Variants in CARF observed in about 807,000 individuals in gnomAD.
CARF encodes the protein calcium-responsive transcription factor.
Under a neutral mutation model 82.0 loss-of-function variants are expected in CARF, and 57 were observed. The ratio of observed to expected loss-of-function variants is 0.70; its 90% CI spans 0.56 to 0.87. The LOEUF (loss-of-function observed/expected upper bound fraction) is 0.87, where lower values mean the gene tolerates loss of function less well. Among genes scored for constraint, CARF ranks in the 40% least tolerant of loss-of-function variants. The probability of loss-of-function intolerance (pLI) is 0.00; values close to 1 mark genes in which losing one functional copy is unlikely to be tolerated. For synonymous variants in CARF, 268 were observed against 290.1 expected (o/e 0.92, Z 0.77); for missense variants, 771 against 855.8 (o/e 0.90, Z 1.24).
chr2:202,981,982 C>T (rs1015025873), intron 15 of CARF, 90 bp from the exon 16 acceptor site: 36 of 1,342,454 alleles, frequency 2.7e-5, no homozygotes, highest in Non-Finnish European at 3.4e-5. Context: ...TTTATTTGTT[C>T]GGATTTTTTG....
intron 6 of CARF, among the ~76,000 whole-genome samples, chr2:202,953,622 T>C (rs935405512): frequency 5.3e-5 from 8 of 150,574 alleles, no homozygotes; most frequent in African/African-American, 1.9e-4. Flanking sequence ...ATTTTTACCT[T>C]AGTGTTATCA....
At chr2:202,919,005 T>G (rs1332087547) in intron 2 of CARF, among the ~76,000 whole-genome samples, 1 of 152,194 alleles carries the variant, frequency 6.6e-6, no homozygotes, top group Admixed American at 6.5e-5. Flanking sequence ...TTTGGCAGTC[T>G]TCCTCTGTCA....
intron 5 of CARF, among the ~76,000 whole-genome samples, chr2:202,949,144 G>A (rs528708159): frequency 7.9e-5 from 12 of 152,190 alleles, no homozygotes; most frequent in African/African-American, 2.2e-4. Flanking sequence ...GACTAGACTG[G>A]TCAACATAGT....
In CARF at chr2:202,985,835, T is replaced by C. The variant is rs1020965158; in HGVS notation, c.*2211T>C. The C allele has an allele frequency of 6.6e-6, 1 of 152,144 alleles. No homozygotes were observed. Among genetic ancestry groups the C allele is most frequent in the Admixed American group, 6.5e-5 (1 of 15,268 alleles). The allele number at this position is 152,144 out of a possible 1,614,324, so 9.4% of individuals were successfully genotyped here. On this transcript the variant is annotated 3_prime_UTR_variant, in exon 17 of 17. Coordinates refer to ENST00000438828, the MANE Select transcript of CARF (RefSeq NM_024744.17). ...TTGGAGACATTCCTTTCTTTTTTGATGTTGATTTGCAAAGGAGAAATGCTT... is the reference window on the plus strand; with the variant it reads ...TTGGAGACATTCCTTTCTTTTTTGACGTTGATTTGCAAAGGAGAAATGCTT...
chr2:202,964,870 T>C (rs1472183737), intron 9 of CARF, among the ~76,000 whole-genome samples: 2 of 132,918 alleles, frequency 1.5e-5, no homozygotes, highest in Non-Finnish European at 3.3e-5. Flanking sequence ...TATATATATA[T>C]ATACATATAT....
intron 8 of CARF, among the ~76,000 whole-genome samples, chr2:202,959,325 C>T (rs2059200081): frequency 6.6e-6 from 1 of 152,118 alleles, no homozygotes; most frequent in South Asian, 2.1e-4. Flanking sequence ...ATCAGATTAT[C>T]TCTTAACTAT....
Position 202,922,136 on chromosome 2 carries a change from A to G in CARF, c.-162-2161A>G, listed in dbSNP as rs190453498. Among the ~76,000 whole-genome samples, 366 of 152,208 alleles carry G rather than the reference A, an allele frequency of 2.4e-3. 1 individual carries two copies. Among genetic ancestry groups the G allele is most frequent in the Non-Finnish European group, 3.9e-3 (264 of 68,012 alleles). On this transcript the variant is annotated intron_variant, in intron 2 of 16. Transcript: ENST00000438828. ...TAGCCACCACACTGAGCCCTTAAAA[A>G]GAAATTTTTAATCTTTTGAGACAGG...
At chr2:202,962,744 C>G (rs2059375101) in intron 9 of CARF, 1 of 151,832 alleles carries the variant, frequency 6.6e-6, no homozygotes, top group South Asian at 2.1e-4. Context: ...TTCATTCACC[C>G]TTTTTTTTAC....
intron 3 of CARF, among the ~76,000 whole-genome samples, chr2:202,932,253 TG>T (rs1301847931): frequency 6.6e-6 from 1 of 152,064 alleles, no homozygotes; most frequent in Non-Finnish European, 1.5e-5. Context: ...ACATGAGATT[TG>T]GGTGGGGACA....
intron 1 of CARF, among the ~76,000 whole-genome samples, chr2:202,917,106 G>C (rs1340996471): frequency 1.3e-5 from 2 of 149,254 alleles, no homozygotes; most frequent in African/African-American, 4.9e-5. Context: ...AGCTACTTGG[G>C]AGGCTGAGGC....
intron 5 of CARF, among the ~76,000 whole-genome samples, chr2:202,945,536 T>TC (rs2058455711): frequency 6.6e-6 from 1 of 152,102 alleles, no homozygotes; most frequent in South Asian, 2.1e-4. Flanking sequence ...ATCATTTAGC[T>TC]CCCCCTTGTA....
At chr2:202,979,243 C>T (rs1345874162) in intron 14 of CARF, among the ~76,000 whole-genome samples, 1 of 151,862 alleles carries the variant, frequency 6.6e-6, no homozygotes, top group Non-Finnish European at 1.5e-5. Flanking sequence ...GATGACAGAG[C>T]AAGACTCCAT....
intron 5 of CARF, among the ~76,000 whole-genome samples, chr2:202,950,506 C>A (rs926164914): frequency 4.6e-5 from 7 of 152,002 alleles, no homozygotes; most frequent in Non-Finnish European, 1.5e-5. Flanking sequence ...AATATTATTA[C>A]TGTTGCCTTT....
Position 202,987,840 on chromosome 2 carries a change from CT to C in CARF, c.*4217del, listed in dbSNP as rs1574837412. On this transcript the variant is annotated 3_prime_UTR_variant, in exon 17 of 17. Transcript: ENST00000438828. ...TGAGGTATAATTGAAATACAATAAA[CT>C]GTACATATTTAAAGTACCCAATATG... Among the ~76,000 whole-genome samples the C allele has an allele frequency of 6.6e-6, 1 of 152,154 alleles. No homozygotes were observed. The highest frequency in any genetic ancestry group is 1.9e-4 in the East Asian group (1 of 5,194).
chr2:202,957,753 G>A (rs547323364), intron 8 of CARF, among the ~76,000 whole-genome samples: 8 of 152,142 alleles, frequency 5.3e-5, no homozygotes, highest in African/African-American at 9.6e-5. Flanking sequence ...TCAGGAGTTC[G>A]AGAGCAGCCT....
intron 14 of CARF, among the ~76,000 whole-genome samples, chr2:202,979,105 A>G (rs547385606): frequency 6.6e-6 from 1 of 152,176 alleles, no homozygotes; most frequent in African/African-American, 2.4e-5. Flanking sequence ...AAAAATACAA[A>G]AACTAGCTGG....
intron 3 of CARF, chr2:202,925,656 C>A: frequency 4.5e-6 from 1 of 219,930 alleles, no homozygotes; most frequent in South Asian, 5.7e-5. Context: ...GCTGCCATCC[C>A]AGATGCTGAG....
At chr2:202,981,742 C>G in intron 15 of CARF, 57 bp downstream of exon 15, 1 of 1,434,132 alleles carries the variant, frequency 7.0e-7, no homozygotes, top group Non-Finnish European at 9.7e-7. Flanking sequence ...CCTCCATTTA[C>G]CTCTTCTTCT....
chr2:202,949,183 A>C (rs1385654467), intron 5 of CARF, among the ~76,000 whole-genome samples: 1 of 152,012 alleles, frequency 6.6e-6, no homozygotes, highest in Non-Finnish European at 1.5e-5. Flanking sequence ...AAAATATGAA[A>C]ATTAGCCAGG....
Sources: gnomAD v4.1 joint callset for allele counts (sites outside exome capture counted in the v4.1 genomes callset) on GRCh38, gnomAD v4.1.1 for gene constraint, MANE v1.5 for transcripts, NCBI Gene and HGNC (gene_info 2026-07-23, HGNC 2026-07-21) for gene names.